The following SHB variants were observed in gnomAD, a reference collection of about 807,000 sequenced individuals.
SHB encodes the protein SH2 domain-containing adapter protein B.
SHB carries 20 observed loss-of-function variants against 52.3 expected under a neutral mutation model. The ratio of observed to expected loss-of-function variants is 0.38; its 90% CI spans 0.27 to 0.56. The LOEUF is 0.56. SHB is among the 20% of genes least tolerant of loss of function. The pLI, the probability that SHB is intolerant of heterozygous loss-of-function variation, is 0.71. For synonymous variants in SHB, 397 were observed against 316.5 expected, an observed-to-expected ratio of 1.25 and a Z score of -2.70; for missense variants, 825 against 723.3, an observed-to-expected ratio of 1.14 and a Z score of -1.61.
intron 2 of SHB, among the ~76,000 whole-genome samples, chr9:37,994,766 CA>C (rs1243778106): frequency 6.6e-6 from 1 of 152,124 alleles, no homozygotes; most frequent in Non-Finnish European, 1.5e-5. Context: ...ACTCACCAGT[CA>C]ATCGGTTTAT....
intron 3 of SHB, among the ~76,000 whole-genome samples, chr9:37,960,456 T>C (rs1832681559): frequency 6.6e-6 from 1 of 152,130 alleles, no homozygotes; most frequent in Non-Finnish European, 1.5e-5. Flanking sequence ...AAAATGGAAG[T>C]TGGAATCTGA....
chr9:37,947,857 T>C (rs1832511915), intron 5 of SHB, among the ~76,000 whole-genome samples: 1 of 152,234 alleles, frequency 6.6e-6, no homozygotes, highest in South Asian at 2.1e-4. Context: ...CTGAAGAGCC[T>C]GGGTTTACAC....
intron 1 of SHB, among the ~76,000 whole-genome samples, chr9:38,019,822 C>T (rs1821260627): frequency 1.3e-5 from 2 of 152,128 alleles, no homozygotes. Flanking sequence ...ACTACTGCAT[C>T]CATCAATAGA....
chr9:37,968,543 AGG>A (rs1445577969), intron 3 of SHB, among the ~76,000 whole-genome samples: 1 of 152,226 alleles, frequency 6.6e-6, no homozygotes, highest in Non-Finnish European at 1.5e-5. Flanking sequence ...CTTTGCTATG[AGG>A]CAGACCTGGC....
chr9:37,947,250 T>A (rs1166698425), intron 5 of SHB, among the ~76,000 whole-genome samples: 1 of 152,208 alleles, frequency 6.6e-6, no homozygotes, highest in Non-Finnish European at 1.5e-5. Context: ...GGCTAGAAGT[T>A]CCCTCTGCAT....
At chr9:38,041,705 G>C (rs1821580175) in intron 1 of SHB, among the ~76,000 whole-genome samples, 1 of 152,136 alleles carries the variant, frequency 6.6e-6, no homozygotes, top group African/African-American at 2.4e-5. Flanking sequence ...GTTCTGAGAA[G>C]TCGAGGAACT....
intron 3 of SHB, among the ~76,000 whole-genome samples, chr9:37,966,752 G>C (rs1820529005): frequency 1.3e-5 from 2 of 152,176 alleles, no homozygotes; most frequent in African/African-American, 4.8e-5. Flanking sequence ...TGGTGGCCGG[G>C]TTTAAGGTTC....
At chr9:37,930,512 T>G (rs76396184) in intron 5 of SHB, among the ~76,000 whole-genome samples, 5,644 of 152,258 alleles carry the variant, frequency 0.037, 160 homozygotes, top group East Asian at 0.1. Flanking sequence ...CATGGACCTT[T>G]GCTCTTGCTA....
intron 2 of SHB, among the ~76,000 whole-genome samples, chr9:37,992,991 T>G (rs1015563994): frequency 1.3e-5 from 2 of 152,156 alleles, no homozygotes; most frequent in East Asian, 3.9e-4. Context: ...GCAAGGGAGC[T>G]CCAAAGCATT....
At chr9:37,963,471 G>A (rs543644482) in intron 3 of SHB, among the ~76,000 whole-genome samples, 22 of 152,318 alleles carry the variant, frequency 1.4e-4, no homozygotes, top group Middle Eastern at 3.4e-3. Context: ...AACCATATGT[G>A]GCTGACAGGA....
Position 37,951,413 on chromosome 9 carries a change from G to C in SHB, c.1227-2659C>G, listed in dbSNP as rs962580032. On this transcript the variant is annotated intron_variant, in intron 4 of 5. Coordinates refer to ENST00000377707, the MANE Select transcript of SHB (RefSeq NM_003028.3). Reference sequence around the variant, plus strand: ...AAGGTCCATGTTATGCTTTAGAAAGGCTACATGGCTGTAATCAGGAGAAAC... The same window carrying C: ...AAGGTCCATGTTATGCTTTAGAAAGCCTACATGGCTGTAATCAGGAGAAAC... 4.6e-5 allele frequency among the ~76,000 whole-genome samples: 7 copies of C among 152,348 alleles called. No individual in the cohort carries two copies. The East Asian group carries it at 1.3e-3, about 29-fold the overall frequency.
chr9:38,004,158 C>G (rs1182975769), intron 2 of SHB, among the ~76,000 whole-genome samples: 1 of 152,184 alleles, frequency 6.6e-6, no homozygotes. Context: ...AAAATGGAAA[C>G]AACCCAGGCG....
At chr9:38,006,142 AC>A (rs1408978269) in intron 2 of SHB, among the ~76,000 whole-genome samples, 3 of 151,462 alleles carry the variant, frequency 2.0e-5, no homozygotes, top group Admixed American at 6.6e-5. Flanking sequence ...GTGTCATCCC[AC>A]CCTCTCCTCT....
chr9:38,059,930 G>A (rs1257671097), intron 1 of SHB, among the ~76,000 whole-genome samples: 5 of 152,228 alleles, frequency 3.3e-5, no homozygotes, highest in South Asian at 2.1e-4. Context: ...ACAAATTACC[G>A]GTGTGAAAGT....
At position 37,917,592 on chromosome 9, in the gene SHB, G is replaced by A. The variant is rs545406028; in HGVS notation, c.*2229C>T. The stretch of plus-strand genomic sequence containing the variant: ...TCCCCCTCTTCCTCAGCCTCTCTTG[G>A]GCCTCCTCTGAGAATAAGCCTTGGG... On this transcript the variant is annotated 3_prime_UTR_variant, in exon 6 of 6. Transcript: ENST00000377707. 6.6e-6 allele frequency among the ~76,000 whole-genome samples: 1 copy of A among 152,186 alleles called. No individual in the cohort carries two copies. Among genetic ancestry groups the A allele is most frequent in the South Asian group, 2.1e-4 (1 of 4,820 alleles).
At chr9:37,960,818 G>C (rs764766893) in intron 3 of SHB, among the ~76,000 whole-genome samples, 54 of 152,182 alleles carry the variant, frequency 3.5e-4, no homozygotes, top group Middle Eastern at 3.2e-3. Flanking sequence ...GTGGGTAATG[G>C]GTGAGGAACG....
chr9:38,004,443 C>CA (rs1415085698), intron 2 of SHB, among the ~76,000 whole-genome samples: 2 of 152,070 alleles, frequency 1.3e-5, no homozygotes, highest in East Asian at 3.9e-4. Context: ...AGGAGGTGGG[C>CA]GCCCCCCAGC....
chr9:38,065,906 C>A (rs1303443211), intron 1 of SHB, among the ~76,000 whole-genome samples: 1 of 152,066 alleles, frequency 6.6e-6, no homozygotes. Context: ...GTGACCACCC[C>A]TCCCTCACAA....
chr9:38,011,047 G>A lies in SHB; in HGVS notation c.838+4964C>T, dbSNP rs554480361. Among the ~76,000 whole-genome samples, 10 of 152,294 alleles carry A rather than the reference G, an allele frequency of 6.6e-5. No individual in the cohort carries two copies. The South Asian group carries it at 1.0e-3, about 16-fold the overall frequency. On this transcript the variant is annotated intron_variant, in intron 2 of 5. Coordinates refer to ENST00000377707, the MANE Select transcript of SHB (RefSeq NM_003028.3). Reference sequence around the variant, plus strand: ...AGGCCCTATTTTACCATGACACCACGGCTCTCAGTGGGCTAGGCACCCTGA... The same window carrying A: ...AGGCCCTATTTTACCATGACACCACAGCTCTCAGTGGGCTAGGCACCCTGA...
Sources: allele counts gnomAD v4.1 joint callset (sites outside exome capture counted in the v4.1 genomes callset), GRCh38; gene constraint gnomAD v4.1.1; transcripts MANE v1.5; gene names NCBI Gene and HGNC (gene_info 2026-07-23, HGNC 2026-07-21).